DSTN: variants seen among roughly 807,000 people sequenced by gnomAD.
DSTN encodes destrin, actin depolymerizing factor, also known as destrin.
A neutral mutation model predicts 16.8 loss-of-function variants in DSTN; 10 were observed. That is an observed-to-expected ratio of 0.60 (90% CI 0.37 to 1.01). The LOEUF is 1.01. DSTN is among the 50% of genes least tolerant of loss of function. The pLI, the probability that DSTN is intolerant of heterozygous loss-of-function variation, is 0.01. For synonymous variants in DSTN, 57 were observed against 58.9 expected (o/e 0.97, Z 0.14); for missense variants, 141 against 196.7 (o/e 0.72, Z 1.69).
chr20:17,601,048 A>G lies in DSTN; in HGVS notation c.311+3A>G, dbSNP rs779182585. On this transcript the variant is annotated splice_donor_region_variant and intron_variant, in intron 2 of 3. Coordinates refer to ENST00000246069, the MANE Select transcript of DSTN (RefSeq NM_006870.4). ...GAAGAGTTGATGTTTTTTTTGTGGT[A>G]AGCATGTTAGAAATATTGAGCCTCT... 2 of 1,588,578 alleles carry G rather than the reference A, an allele frequency of 1.3e-6. No homozygotes were observed. The highest frequency in any genetic ancestry group is 2.7e-5 in the African/African-American group (2 of 73,806).
Position 17,600,942 on chromosome 20 carries a change from C to A in DSTN, c.208C>A (p.His70Asn), listed in dbSNP as rs2035580455. 10 of 1,613,932 alleles carry A rather than the reference C, an allele frequency of 6.2e-6. No homozygotes were observed. The highest frequency in any genetic ancestry group is 2.2e-5 in the South Asian group (2 of 91,074). The change falls in exon 2 of 4, where the codon CAT (histidine) becomes AAT (asparagine). Residue 70 changes from histidine to asparagine, a missense_variant. Transcript: ENST00000246069. ...TGTAACCATAACTGATCCTTTCAAG[C>A]ATTTTGTGGGAATGCTTCCTGAAAA... ...VGVTITDPFK[H>N]FVGMLPEKDC...
At chr20:17,594,602 A>G (rs1600708864) in intron 1 of DSTN, among the ~76,000 whole-genome samples, 1 of 152,174 alleles carries the variant, frequency 6.6e-6, no homozygotes, top group East Asian at 1.9e-4. Flanking sequence ...TCAGTCATAC[A>G]GCCAACTCAG....
chr20:17,604,479 CA>C (rs1238593896), intron 2 of DSTN, 75 bp from the exon 3 acceptor site: 5 of 1,439,526 alleles, frequency 3.5e-6, no homozygotes, highest in Admixed American at 4.2e-5. Flanking sequence ...AATGTTTACA[CA>C]AGCAAATGTT....
At chr20:17,600,269 TAATA>T (rs2035571917) in intron 1 of DSTN, among the ~76,000 whole-genome samples, 3 of 152,216 alleles carry the variant, frequency 2.0e-5, no homozygotes, top group Admixed American at 2.0e-4. Flanking sequence ...AAAGACCTCT[TAATA>T]AATCTTTTTT....
At chr20:17,596,265 A>G (rs1284679428) in intron 1 of DSTN, among the ~76,000 whole-genome samples, 1 of 151,382 alleles carries the variant, frequency 6.6e-6, no homozygotes, top group African/African-American at 2.4e-5. Context: ...GAGAAACTAG[A>G]TTGGTTTTTC....
intron 1 of DSTN, among the ~76,000 whole-genome samples, chr20:17,577,495 A>C (rs1037647543): frequency 3.3e-5 from 5 of 151,886 alleles, no homozygotes; most frequent in African/African-American, 1.2e-4. Context: ...TGAACCTGGG[A>C]GGCGGAGGTT....
chr20:17,594,082 AAAATAAAT>A (rs59974407), intron 1 of DSTN, among the ~76,000 whole-genome samples: 2,644 of 145,582 alleles, frequency 0.018, 76 homozygotes, highest in African/African-American at 0.063. Flanking sequence ...CCGTATCTCA[AAAATAAAT>A]AAATAAATAA....
At chr20:17,572,652 AG>A in intron 1 of DSTN, among the ~76,000 whole-genome samples, 1 of 152,348 alleles carries the variant, frequency 6.6e-6, no homozygotes, top group South Asian at 2.1e-4. Flanking sequence ...CTTGGTGATT[AG>A]CAAAAACACT....
At chr20:17,591,961 CG>C in intron 1 of DSTN, 1 of 985,344 alleles carries the variant, frequency 1.0e-6, no homozygotes, top group South Asian at 4.7e-5. Flanking sequence ...GAGGCAAAGA[CG>C]TAAGAGAGCT....
intron 1 of DSTN, among the ~76,000 whole-genome samples, chr20:17,584,466 A>G (rs895508157): frequency 6.6e-6 from 1 of 152,142 alleles, no homozygotes; most frequent in African/African-American, 2.4e-5. Flanking sequence ...CCTGACCAAC[A>G]TGGAGAAACC....
At chr20:17,596,754 G>A in intron 1 of DSTN, 1 of 985,170 alleles carries the variant, frequency 1.0e-6, no homozygotes, top group African/African-American at 1.8e-5. Flanking sequence ...TAGAAAAAAA[G>A]ACAAAATTCT....
chr20:17,582,962 C>G (rs1274098563), intron 1 of DSTN, among the ~76,000 whole-genome samples: 1 of 152,182 alleles, frequency 6.6e-6, no homozygotes, highest in African/African-American at 2.4e-5. Context: ...AATCATATAC[C>G]TGACAAGGAG....
chr20:17,594,654 CAAG>C lies in DSTN; in HGVS notation c.4-6079_4-6077del, dbSNP rs899272331. 2.6e-5 allele frequency among the ~76,000 whole-genome samples: 4 copies of C among 152,086 alleles called. No homozygotes were observed. In the East Asian group the frequency reaches 7.7e-4, roughly 29 times the overall value. On this transcript the variant is annotated intron_variant, in intron 1 of 3. Coordinates refer to ENST00000246069, the MANE Select transcript of DSTN (RefSeq NM_006870.4). ...GGGAATGCAGTCTTTCCTGTTCAGCCAAGAAGAGAAAACAGTATGATGTATACA... is the reference window on the plus strand; with the variant it reads ...GGGAATGCAGTCTTTCCTGTTCAGCCAAGAGAAAACAGTATGATGTATACA...
intron 1 of DSTN, chr20:17,592,124 A>G: frequency 1.0e-6 from 1 of 984,408 alleles, no homozygotes; most frequent in Non-Finnish European, 1.2e-6. Flanking sequence ...AAAAATCATT[A>G]TCAAGAACCT....
chr20:17,590,031 C>T (rs1377668782), intron 1 of DSTN, among the ~76,000 whole-genome samples: 3 of 152,158 alleles, frequency 2.0e-5, no homozygotes, highest in Non-Finnish European at 4.4e-5. Flanking sequence ...CGGAAAAAGA[C>T]CACCGTTTCT....
chr20:17,593,097 T>C (rs1052179741), intron 1 of DSTN, among the ~76,000 whole-genome samples: 1 of 152,204 alleles, frequency 6.6e-6, no homozygotes. Context: ...GTCTCCAGTT[T>C]CCTTCTCCCT....
chr20:17,580,564 TG>T (rs1255061392), intron 1 of DSTN, among the ~76,000 whole-genome samples: 1 of 152,130 alleles, frequency 6.6e-6, no homozygotes, highest in African/African-American at 2.4e-5. Flanking sequence ...CTGGCCAACA[TG>T]GTGAAACCCT....
At chr20:17,593,357 T>C (rs780954360) in intron 1 of DSTN, among the ~76,000 whole-genome samples, 3 of 152,238 alleles carry the variant, frequency 2.0e-5, no homozygotes, top group Non-Finnish European at 4.4e-5. Flanking sequence ...TAATGATTCA[T>C]CTGACTGATC....
chr20:17,599,000 C>T (rs1032651613), intron 1 of DSTN, among the ~76,000 whole-genome samples: 1 of 152,198 alleles, frequency 6.6e-6, no homozygotes, highest in African/African-American at 2.4e-5. Context: ...AACATGCCCA[C>T]ACAAAACCTT....
Sources: allele counts gnomAD v4.1 joint callset (sites outside exome capture counted in the v4.1 genomes callset), GRCh38; gene constraint gnomAD v4.1.1; transcripts MANE v1.5; gene names NCBI Gene and HGNC (gene_info 2026-07-23, HGNC 2026-07-21).